DPF3: variants seen among roughly 807,000 people sequenced by gnomAD.
DPF3 encodes the protein zinc finger protein DPF3.
Under a neutral mutation model 56.8 loss-of-function variants are expected in DPF3, and 18 were observed. That is an observed-to-expected ratio of 0.32 (90% CI 0.22 to 0.47). DPF3 has a LOEUF of 0.47. DPF3 is among the 20% of genes least tolerant of loss of function. DPF3 has a pLI of 1.00. For synonymous variants in DPF3, 188 were observed against 180.2 expected (o/e 1.04, Z -0.35); for missense variants, 403 against 488.8 (o/e 0.82, Z 1.65).
chr14:72,761,094 G>A (rs1162544801), intron 2 of DPF3, among the ~76,000 whole-genome samples: 2 of 151,880 alleles, frequency 1.3e-5, no homozygotes, highest in Non-Finnish European at 2.9e-5. Flanking sequence ...AAAAGTAATA[G>A]AATTGTAAGG....
chr14:72,721,264 T>C (rs753322041), intron 5 of DPF3, among the ~76,000 whole-genome samples: 2 of 152,240 alleles, frequency 1.3e-5, no homozygotes, highest in Admixed American at 6.5e-5. Context: ...CACTGACTGC[T>C]GATGTTTTCA....
chr14:72,738,117 T>C (rs925333563), intron 3 of DPF3, among the ~76,000 whole-genome samples: 5 of 152,080 alleles, frequency 3.3e-5, no homozygotes, highest in African/African-American at 9.7e-5. Context: ...GAGGTATTGT[T>C]ATCTCTCACC....
At chr14:72,792,890 G>A (rs574005656) in intron 1 of DPF3, among the ~76,000 whole-genome samples, 4 of 150,254 alleles carry the variant, frequency 2.7e-5, no homozygotes, top group African/African-American at 9.8e-5. Context: ...AGACTGCAAG[G>A]AAAATATCCA....
intron 1 of DPF3, among the ~76,000 whole-genome samples, chr14:72,818,027 C>A (rs1201959168): frequency 6.6e-6 from 1 of 152,054 alleles, no homozygotes; most frequent in Admixed American, 6.5e-5. Context: ...GGGCAGATCA[C>A]TTGAGGTCAC....
intron 1 of DPF3, among the ~76,000 whole-genome samples, chr14:72,775,713 C>G (rs1231510243): frequency 6.6e-6 from 1 of 152,156 alleles, no homozygotes; most frequent in Non-Finnish European, 1.5e-5. Context: ...AGCCCCTCTA[C>G]CATCATCTCC....
At chr14:72,703,521 C>G (rs547516191) in intron 6 of DPF3, among the ~76,000 whole-genome samples, 2 of 17,422 alleles carry the variant, frequency 1.1e-4, no homozygotes, top group Admixed American at 9.8e-4. Context: ...ATGCAGAAAC[C>G]CCCCAAAACC....
intron 8 of DPF3, among the ~76,000 whole-genome samples, chr14:72,665,384 T>C (rs1427415970): frequency 6.6e-6 from 1 of 152,220 alleles, no homozygotes; most frequent in East Asian, 1.9e-4. Context: ...AATGAAAATG[T>C]TATCATCCAA....
intron 1 of DPF3, chr14:72,892,223 A>G: frequency 6.5e-7 from 1 of 1,535,464 alleles, no homozygotes; most frequent in South Asian, 1.2e-5. Flanking sequence ...TTTCGGCTGG[A>G]AATGGGGAAA....
At chr14:72,632,466 A>G (rs1163905375) in intron 8 of DPF3, among the ~76,000 whole-genome samples, 3 of 152,292 alleles carry the variant, frequency 2.0e-5, no homozygotes, top group African/African-American at 7.2e-5. Context: ...GTAACTTCCT[A>G]TGAAGCTATA....
chr14:72,660,088 G>T (rs921730941), intron 8 of DPF3, among the ~76,000 whole-genome samples: 3 of 152,184 alleles, frequency 2.0e-5, no homozygotes, highest in African/African-American at 7.2e-5. Context: ...CAGAGTTTCA[G>T]TTGGAGAAGA....
chr14:72,779,853 G>A (rs189392258), intron 1 of DPF3, among the ~76,000 whole-genome samples: 4 of 152,250 alleles, frequency 2.6e-5, no homozygotes, highest in Non-Finnish European at 5.9e-5. Context: ...TGAGGCTGTC[G>A]GGGACCCACT....
rs1308930505 is a variant in DPF3 at position 72,629,610 on chromosome 14, AG to A, written c.984+13del. The A allele has an allele frequency of 5.2e-6, 8 of 1,532,286 alleles. No individual in the cohort carries two copies. The Admixed American group carries it at 1.6e-4, about 30-fold the overall frequency. 94.9% of individuals were successfully genotyped at this position (1,532,286 alleles called of 1,614,324 possible). ...GTGGATTTCTCCCTCCCACAGGGAA[AG>A]CCCCAAACTCACATCATTCTCTGAG... is the stretch of plus-strand genomic sequence containing the variant. On this transcript the variant is annotated intron_variant, in intron 9 of 10. Coordinates refer to ENST00000556509, the MANE Select transcript of DPF3 (RefSeq NM_001280542.3).
At chr14:72,655,790 G>A (rs1006555304) in intron 8 of DPF3, among the ~76,000 whole-genome samples, 2 of 152,140 alleles carry the variant, frequency 1.3e-5, no homozygotes, top group East Asian at 1.9e-4. Context: ...TCTTCTCCAC[G>A]TCTCCCCACT....
At chr14:72,683,515 T>G (rs11848482) in intron 7 of DPF3, among the ~76,000 whole-genome samples, 8,687 of 152,028 alleles carry the variant, frequency 0.057, 591 homozygotes, top group African/African-American at 0.16. Flanking sequence ...CACTTAATCT[T>G]CATCATAGCC....
intron 6 of DPF3, among the ~76,000 whole-genome samples, chr14:72,712,103 G>C (rs750337227): frequency 1.1e-4 from 17 of 152,098 alleles, no homozygotes; most frequent in Non-Finnish European, 2.4e-4. Flanking sequence ...GAGAGAGGGA[G>C]AGGAGGCAGC....
At chr14:72,714,125 G>T (rs906221292) in intron 6 of DPF3, among the ~76,000 whole-genome samples, 1 of 152,244 alleles carries the variant, frequency 6.6e-6, no homozygotes, top group Admixed American at 6.5e-5. Context: ...GACAGAGCGC[G>T]TGAGAGAGAG....
At chr14:72,741,175 G>A (rs945904381) in intron 3 of DPF3, among the ~76,000 whole-genome samples, 3 of 152,186 alleles carry the variant, frequency 2.0e-5, no homozygotes, top group African/African-American at 4.8e-5. Context: ...GTTGGGGACG[G>A]GAACTGTGTT....
intron 1 of DPF3, among the ~76,000 whole-genome samples, chr14:72,874,711 C>A (rs1447501680): frequency 1.3e-5 from 2 of 152,172 alleles, no homozygotes; most frequent in East Asian, 3.9e-4. Flanking sequence ...TCGCTATTAG[C>A]ATTTGGGCAA....
intron 1 of DPF3, among the ~76,000 whole-genome samples, chr14:72,810,890 T>C (rs1031657288): frequency 2.0e-5 from 3 of 152,160 alleles, no homozygotes; most frequent in African/African-American, 7.2e-5. Flanking sequence ...GACTAGTGAG[T>C]TAGTCCATTT....
Sources: allele counts gnomAD v4.1 joint callset (sites outside exome capture counted in the v4.1 genomes callset), GRCh38; gene constraint gnomAD v4.1.1; transcripts MANE v1.5; gene names NCBI Gene and HGNC (gene_info 2026-07-23, HGNC 2026-07-21).